The following LMNTD1 variants were observed in gnomAD, a reference collection of about 807,000 sequenced individuals.
The protein encoded by LMNTD1 is lamin tail domain containing 1.
In LMNTD1, 35 loss-of-function variants were observed where a neutral mutation model predicts 50.9. The observed-to-expected ratio is 0.69, with a 90% CI of 0.53 to 0.91. LMNTD1 has a LOEUF of 0.91. Among genes scored for constraint, LMNTD1 ranks in the 40% least tolerant of loss-of-function variants. LMNTD1 has a pLI of 0.00. For missense variants in LMNTD1, 470 were observed against 475.5 expected, an observed-to-expected ratio of 0.99 and a Z score of 0.11; for synonymous variants, 153 against 161.9, an observed-to-expected ratio of 0.94 and a Z score of 0.42.
At chr12:25,502,879 G>A (rs902339383) in intron 9 of LMNTD1, 1 of 152,218 alleles carries the variant, frequency 6.6e-6, no homozygotes, top group Non-Finnish European at 1.5e-5. Flanking sequence ...AACCTGATAG[G>A]CTTGTGCATA....
At chr12:25,602,824 G>A (rs958056029) in intron 1 of LMNTD1, among the ~76,000 whole-genome samples, 2 of 151,984 alleles carry the variant, frequency 1.3e-5, no homozygotes, top group African/African-American at 4.8e-5. Flanking sequence ...TGAAACAAAC[G>A]AAGAATTCAG....
rs76519300 is a variant in LMNTD1 at position 25,476,357 on chromosome 12, T to C, written c.*126A>G. 2 of 152,200 alleles carry C rather than the reference T, an allele frequency of 1.3e-5. No homozygotes were observed. The highest frequency in any genetic ancestry group is 4.8e-5 in the African/African-American group (2 of 41,436). 9.4% of individuals were successfully genotyped at this position (152,200 alleles called of 1,614,324 possible). A position where few individuals can be genotyped will look rare whatever the true frequency, so the allele number is the denominator to read the frequency against. The stretch of plus-strand genomic sequence containing the variant: ...ATCCTTTTTCCATATAGAAATGTGA[T>C]GTCTTCACCCTCTCATGGAATAGCA... On this transcript the variant is annotated 3_prime_UTR_variant, in exon 10 of 10. Transcript: ENST00000458174.
chr12:25,629,185 G>A (rs922081735), intron 1 of LMNTD1, among the ~76,000 whole-genome samples: 1 of 152,168 alleles, frequency 6.6e-6, no homozygotes, highest in Non-Finnish European at 1.5e-5. Flanking sequence ...TCAGTGTGAT[G>A]GAGGTTCTAC....
At position 25,520,136 on chromosome 12, in the gene LMNTD1, T is replaced by TGA. The variant is rs1363532216; in HGVS notation, c.799-63_799-62dup. On this transcript the variant is annotated intron_variant, in intron 6 of 9. Transcript: ENST00000458174. ...ATTTGAGGTTTACAACATGCTGTTA[T>TGA]GAGATATACATATATATATATATAT... is the stretch of plus-strand genomic sequence containing the variant. 3.2e-4 allele frequency: 117 copies of TGA among 364,226 alleles called. 1 individual carries two copies. Among genetic ancestry groups the TGA allele is most frequent in the Non-Finnish European group, 7.2e-5 (15 of 208,048 alleles). The allele number at this position is 364,226 out of a possible 1,614,324, so 22.6% of individuals were successfully genotyped here.
intron 6 of LMNTD1, among the ~76,000 whole-genome samples, chr12:25,523,098 A>G (rs1390293841): frequency 3.3e-5 from 5 of 151,956 alleles, no homozygotes; most frequent in African/African-American, 1.2e-4. Flanking sequence ...CAGTGGTGCA[A>G]TCTTGGCTCA....
intron 1 of LMNTD1, among the ~76,000 whole-genome samples, chr12:25,620,141 C>T (rs1366494797): frequency 2.0e-5 from 3 of 152,328 alleles, no homozygotes; most frequent in East Asian, 3.9e-4. Flanking sequence ...GTTTAAGTTA[C>T]AACAGAGCTG....
intron 1 of LMNTD1, among the ~76,000 whole-genome samples, chr12:25,642,857 G>A (rs931219180): frequency 1.3e-4 from 20 of 152,128 alleles, no homozygotes; most frequent in Admixed American, 1.2e-3. Context: ...GCTCAGTACA[G>A]CCAATTGGAA....
At chr12:25,503,917 C>T (rs1463847663) in intron 8 of LMNTD1, 117 bp from the exon 9 acceptor site, 12 of 564,878 alleles carry the variant, frequency 2.1e-5, no homozygotes, top group Non-Finnish European at 3.7e-5. Context: ...CTGGAATAAG[C>T]TAACAACAAA....
intron 9 of LMNTD1, among the ~76,000 whole-genome samples, chr12:25,480,325 C>T (rs1028153446): frequency 5.3e-5 from 8 of 152,192 alleles, no homozygotes; most frequent in Non-Finnish European, 1.0e-4. Context: ...GTTCTCACAA[C>T]ATCAGTATGC....
intron 9 of LMNTD1, among the ~76,000 whole-genome samples, chr12:25,484,656 C>A (rs11048067): frequency 2.7e-5 from 3 of 110,860 alleles, no homozygotes; most frequent in East Asian, 3.2e-4. Flanking sequence ...CCTCCCCCCT[C>A]CCCCCACCCC....
intron 9 of LMNTD1, among the ~76,000 whole-genome samples, chr12:25,491,946 G>C (rs1206953714): frequency 1.3e-5 from 2 of 152,142 alleles, no homozygotes; most frequent in Non-Finnish European, 2.9e-5. Flanking sequence ...ATAAAATAAG[G>C]TGCTAATTGA....
intron 1 of LMNTD1, among the ~76,000 whole-genome samples, chr12:25,632,103 G>T (rs1370976272): frequency 6.6e-6 from 1 of 152,048 alleles, no homozygotes; most frequent in Non-Finnish European, 1.5e-5. Context: ...CAAAGACAAA[G>T]AAAAAAGAAT....
chr12:25,479,524 A>G (rs1015512185), intron 9 of LMNTD1, among the ~76,000 whole-genome samples: 1 of 152,202 alleles, frequency 6.6e-6, no homozygotes, highest in Admixed American at 6.5e-5. Context: ...TGTTTTATCA[A>G]TCCAGCTGCT....
At chr12:25,646,411 C>T (rs1947072297) in intron 1 of LMNTD1, among the ~76,000 whole-genome samples, 1 of 152,180 alleles carries the variant, frequency 6.6e-6, no homozygotes, top group African/African-American at 2.4e-5. Context: ...ATCTTGGTTT[C>T]CAGCATCTGA....
intron 1 of LMNTD1, among the ~76,000 whole-genome samples, chr12:25,566,548 A>G (rs1041613521): frequency 1.3e-5 from 2 of 152,190 alleles, no homozygotes; most frequent in African/African-American, 4.8e-5. Context: ...TGTTTTCCAT[A>G]GTGGTTGTGC....
chr12:25,648,521 C>T (rs769837008), exon 1 of LMNTD1: 8 of 1,551,572 alleles, frequency 5.2e-6, no homozygotes, highest in South Asian at 2.4e-5. Context: ...CTGGAAACAC[C>T]GATGTCTCCT....
At chr12:25,627,072 C>T (rs1324037075) in intron 1 of LMNTD1, among the ~76,000 whole-genome samples, 3 of 152,212 alleles carry the variant, frequency 2.0e-5, no homozygotes, top group African/African-American at 7.2e-5. Flanking sequence ...CATCATGCTA[C>T]CTTTTTCTCC....
rs1472442341 is a variant in LMNTD1 at position 25,520,042 on chromosome 12, G to T, written c.832C>A (p.Gln278Lys). ...TCAGCATCTAATTTTTCCCACGCTT[G>T]CTTCCAGTGGATAGGGGTGTACCAC... is the stretch of plus-strand genomic sequence containing the variant. ...IAWYTPIHWK[Q>K]AWEKLDADVE... Residue 278 changes from glutamine (Q) to lysine (K), a missense_variant, in exon 7 of 10, where the codon CAA (glutamine) becomes AAA (lysine). Physicochemically the swap from Gln to Lys is moderately conservative, Grantham distance 53 (BLOSUM62 1). Coordinates refer to ENST00000458174, the MANE Select transcript of LMNTD1 (RefSeq NM_001145728.2). 8 of 1,612,284 alleles carry T rather than the reference G, an allele frequency of 5.0e-6. No homozygotes were observed. The highest frequency in any genetic ancestry group is 6.8e-6 in the Non-Finnish European group (8 of 1,179,470).
chr12:25,603,975 C>G (rs1946039310), intron 1 of LMNTD1, among the ~76,000 whole-genome samples: 1 of 152,012 alleles, frequency 6.6e-6, no homozygotes, highest in African/African-American at 2.4e-5. Context: ...GTGGATCAGT[C>G]TTACATGTCA....
Sources: gnomAD v4.1 joint callset for allele counts (sites outside exome capture counted in the v4.1 genomes callset) on GRCh38, gnomAD v4.1.1 for gene constraint, MANE v1.5 for transcripts, NCBI Gene and HGNC (gene_info 2026-07-23, HGNC 2026-07-21) for gene names.